PXDNL: variants seen among roughly 807,000 people sequenced by gnomAD.
The protein encoded by PXDNL is probable oxidoreductase PXDNL.
In PXDNL, 145 loss-of-function variants were observed where a neutral mutation model predicts 150.8. That is an observed-to-expected ratio of 0.96 (90% CI 0.84 to 1.10). The LOEUF is 1.10. Ranked by LOEUF, PXDNL falls within the 50% of genes least tolerant of loss-of-function variation. PXDNL has a pLI of 0.00. For synonymous variants in PXDNL, 757 were observed against 725.7 expected, an observed-to-expected ratio of 1.04 and a Z score of -0.69; for missense variants, 2,087 against 1,873.9, an observed-to-expected ratio of 1.11 and a Z score of -2.10.
At chr8:51,722,553 T>G (rs146906948) in intron 1 of PXDNL, among the ~76,000 whole-genome samples, 2 of 152,106 alleles carry the variant, frequency 1.3e-5, no homozygotes, top group Non-Finnish European at 2.9e-5. Flanking sequence ...TGCAGGGTTT[T>G]TATTGAGTGG....
chr8:51,469,295 T>G (rs904194843), intron 8 of PXDNL, among the ~76,000 whole-genome samples: 1 of 152,066 alleles, frequency 6.6e-6, no homozygotes. Flanking sequence ...GTGATCACAG[T>G]GAAGAGTATA....
At chr8:51,415,323 A>C (rs1250982083) in intron 14 of PXDNL, among the ~76,000 whole-genome samples, 1 of 152,204 alleles carries the variant, frequency 6.6e-6, no homozygotes, top group Non-Finnish European at 1.5e-5. Flanking sequence ...AAGAGGTTTA[A>C]TTGGCTTACA....
rs573631732 is a variant in PXDNL at position 51,647,526 on chromosome 8, T to G, written c.236+7163A>C. Among the ~76,000 whole-genome samples the G allele has an allele frequency of 2.2e-4, 34 of 152,342 alleles. 1 individual carries two copies. In the South Asian group the frequency reaches 7.1e-3, roughly 32 times the overall value. On this transcript the variant is annotated intron_variant, in intron 2 of 22. Coordinates refer to ENST00000356297, the MANE Select transcript of PXDNL (RefSeq NM_144651.5). ...AATACAGCAGGTTCTGTATTTGCATTATGTAGAAAAATATGAGTCATCATT... is the reference window on the plus strand; with the variant it reads ...AATACAGCAGGTTCTGTATTTGCATGATGTAGAAAAATATGAGTCATCATT...
chr8:51,420,538 C>CA (rs1208539247), intron 14 of PXDNL, among the ~76,000 whole-genome samples: 1 of 152,008 alleles, frequency 6.6e-6, no homozygotes, highest in Non-Finnish European at 1.5e-5. Context: ...GTCCCAGAGA[C>CA]AAAAAAGTTT....
At chr8:51,437,935 G>C (rs1378024144) in intron 12 of PXDNL, among the ~76,000 whole-genome samples, 1 of 152,114 alleles carries the variant, frequency 6.6e-6, no homozygotes, top group Non-Finnish European at 1.5e-5. Flanking sequence ...AAAGTTCCTA[G>C]AACTGATAAA....
rs35166901 is a variant in PXDNL at position 51,576,198 on chromosome 8, C to CAAA, written c.308+16426_308+16428dup. 2.6e-4 allele frequency among the ~76,000 whole-genome samples: 28 copies of CAAA among 109,354 alleles called. 1 individual carries two copies. The highest frequency in any genetic ancestry group is 5.8e-4 in the Admixed American group (6 of 10,286). The allele number at this position is 109,354 out of a possible 152,430, so 71.7% of individuals were successfully genotyped here. On this transcript the variant is annotated intron_variant, in intron 3 of 22. Coordinates refer to ENST00000356297, the MANE Select transcript of PXDNL (RefSeq NM_144651.5). The stretch of plus-strand genomic sequence containing the variant: ...AACTCACATTATTAGAACACTGCTC[C>CAAA]AAAAAAAAAAAAAAAACAAACAAAA...
chr8:51,775,824 G>A (rs1030552301), intron 1 of PXDNL, among the ~76,000 whole-genome samples: 5 of 152,172 alleles, frequency 3.3e-5, no homozygotes, highest in African/African-American at 9.7e-5. Context: ...GGATAACAGC[G>A]ATGTTCAGGG....
At chr8:51,525,790 A>G (rs942901343) in intron 4 of PXDNL, among the ~76,000 whole-genome samples, 1 of 152,324 alleles carries the variant, frequency 6.6e-6, no homozygotes, top group South Asian at 2.1e-4. Context: ...GATGGCAAGC[A>G]GACAGCAGGA....
At chr8:51,495,198 T>C (rs1448893327) in intron 5 of PXDNL, among the ~76,000 whole-genome samples, 4 of 151,816 alleles carry the variant, frequency 2.6e-5, no homozygotes, top group Non-Finnish European at 5.9e-5. Flanking sequence ...CATAACAAAA[T>C]GAAGGCAGAA....
chr8:51,522,348 T>C (rs1563448856), intron 4 of PXDNL, among the ~76,000 whole-genome samples: 1 of 152,114 alleles, frequency 6.6e-6, no homozygotes, highest in Non-Finnish European at 1.5e-5. Context: ...GTCAGGTCTG[T>C]GGAATGAGTT....
At position 51,426,732 on chromosome 8, in the gene PXDNL, G is replaced by T. The variant is rs1478461553; in HGVS notation, c.1552C>A (p.Gln518Lys). 1 of 1,600,704 alleles carries T rather than the reference G, an allele frequency of 6.2e-7. No homozygotes were observed. Among genetic ancestry groups the T allele is most frequent in the Non-Finnish European group, 8.5e-7 (1 of 1,172,054 alleles). Residue 518 changes from glutamine to lysine, a missense_variant, in exon 13 of 23, where the codon CAG becomes AAG. Gln to Lys is a moderately conservative substitution (Grantham distance 53, BLOSUM62 1). Coordinates refer to ENST00000356297, the MANE Select transcript of PXDNL (RefSeq NM_144651.5). ...TTTCCAACCTCGACACTTGTATCCT[G>T]AGGAAGTTGAGTAAACACTGCAAGA... ...KALAVFTQLP[Q>K]DTSVEVGKNI...
At chr8:51,617,170 A>G (rs768936638) in intron 2 of PXDNL, among the ~76,000 whole-genome samples, 13 of 152,234 alleles carry the variant, frequency 8.5e-5, no homozygotes, top group Non-Finnish European at 1.6e-4. Flanking sequence ...CAGTTTGGCC[A>G]AATGGCATCT....
At chr8:51,660,354 AC>A (rs1405551634) in intron 1 of PXDNL, among the ~76,000 whole-genome samples, 1 of 152,154 alleles carries the variant, frequency 6.6e-6, no homozygotes, top group Non-Finnish European at 1.5e-5. Flanking sequence ...TCCTGAGGAT[AC>A]CCAGGCCACA....
chr8:51,747,493 A>T (rs2036997989), intron 1 of PXDNL, among the ~76,000 whole-genome samples: 1 of 152,216 alleles, frequency 6.6e-6, no homozygotes, highest in African/African-American at 2.4e-5. Context: ...GACAGAAACA[A>T]CATGTGGCAT....
chr8:51,570,309 T>A (rs1209358615), intron 3 of PXDNL, among the ~76,000 whole-genome samples: 1 of 151,846 alleles, frequency 6.6e-6, no homozygotes, highest in Non-Finnish European at 1.5e-5. Flanking sequence ...GGCCCACCCA[T>A]CCGGAGAGAT....
At position 51,320,031 on chromosome 8, in the gene PXDNL, C is replaced by T; in HGVS notation, c.4261-9G>A. On this transcript the variant is annotated splice_polypyrimidine_tract_variant and intron_variant, in intron 22 of 22. Coordinates refer to ENST00000356297, the MANE Select transcript of PXDNL (RefSeq NM_144651.5). ...CAGGTGACCTGGCCACTCTGAAAGGCAGCATGCACATATCACCTCCATGTT... is the reference window on the plus strand; with the variant it reads ...CAGGTGACCTGGCCACTCTGAAAGGTAGCATGCACATATCACCTCCATGTT... The T allele has an allele frequency of 6.8e-7, 1 of 1,464,146 alleles. No homozygotes were observed. The highest frequency in any genetic ancestry group is 9.1e-7 in the Non-Finnish European group (1 of 1,104,626). 90.7% of individuals were successfully genotyped at this position (1,464,146 alleles called of 1,614,324 possible). A position where few individuals can be genotyped will look rare whatever the true frequency, so the allele number is the denominator to read the frequency against.
intron 1 of PXDNL, among the ~76,000 whole-genome samples, chr8:51,783,023 A>T (rs2037430236): frequency 6.6e-6 from 1 of 152,236 alleles, no homozygotes; most frequent in South Asian, 2.1e-4. Flanking sequence ...GGCAATATCC[A>T]GACATGCATA....
chr8:51,326,060 G>T (rs1805474470), intron 21 of PXDNL, among the ~76,000 whole-genome samples: 1 of 152,174 alleles, frequency 6.6e-6, no homozygotes, highest in South Asian at 2.1e-4. Flanking sequence ...TGAGCTACGT[G>T]AGGAAAAACT....
At chr8:51,510,143 G>A (rs1190369770) in intron 4 of PXDNL, among the ~76,000 whole-genome samples, 2 of 152,154 alleles carry the variant, frequency 1.3e-5, no homozygotes, top group African/African-American at 4.8e-5. Flanking sequence ...TGTAGGGGGA[G>A]TATTGGATCT....
Sources: allele counts gnomAD v4.1 joint callset (sites outside exome capture counted in the v4.1 genomes callset), GRCh38; gene constraint gnomAD v4.1.1; transcripts MANE v1.5; gene names NCBI Gene and HGNC (gene_info 2026-07-23, HGNC 2026-07-21).